The following DYM variants were observed in gnomAD, a reference collection of about 807,000 sequenced individuals.
The protein encoded by DYM is dymeclin.
In DYM, 78 loss-of-function variants were observed where a neutral mutation model predicts 93.1. That is an observed-to-expected ratio of 0.84 (90% confidence interval 0.70 to 1.01). The LOEUF is 1.01. DYM is among the 50% of genes least tolerant of loss of function. The pLI, the probability that DYM is intolerant of heterozygous loss-of-function variation, is 0.00. For missense variants in DYM, 789 were observed against 845.0 expected, an observed-to-expected ratio of 0.93 and a Z score of 0.82; for synonymous variants, 321 against 319.7, an observed-to-expected ratio of 1.00 and a Z score of -0.04.
chr18:49,255,361 G>A (rs1356938347), intron 13 of DYM, among the ~76,000 whole-genome samples: 1 of 152,148 alleles, frequency 6.6e-6, no homozygotes, highest in East Asian at 1.9e-4. Context: ...CTGGTTGACA[G>A]AGTGAAACCC....
At chr18:49,451,231 T>C (rs1457514670) in intron 1 of DYM, among the ~76,000 whole-genome samples, 1 of 152,236 alleles carries the variant, frequency 6.6e-6, no homozygotes, top group African/African-American at 2.4e-5. Flanking sequence ...CTCTAATCTG[T>C]GAGAACTCTT....
At chr18:49,311,797 G>C (rs2061608712) in intron 8 of DYM, among the ~76,000 whole-genome samples, 1 of 151,156 alleles carries the variant, frequency 6.6e-6, no homozygotes, top group African/African-American at 2.4e-5. Context: ...AACGGGTGCA[G>C]CACACCAACA....
At chr18:49,223,662 A>T (rs1307067176) in intron 13 of DYM, among the ~76,000 whole-genome samples, 1 of 152,134 alleles carries the variant, frequency 6.6e-6, no homozygotes. Flanking sequence ...CTACAGATGA[A>T]ACTTGAAATA....
At chr18:49,387,451 A>G (rs1360050222) in intron 3 of DYM, among the ~76,000 whole-genome samples, 3 of 151,480 alleles carry the variant, frequency 2.0e-5, no homozygotes, top group Admixed American at 1.3e-4. Context: ...TAATTTTTGT[A>G]TTTTTGTAGA....
At chr18:49,161,237 C>A (rs2087082360) in intron 15 of DYM, among the ~76,000 whole-genome samples, 2 of 152,160 alleles carry the variant, frequency 1.3e-5, no homozygotes, top group Non-Finnish European at 2.9e-5. Context: ...AATCTGTAAA[C>A]TTCAGTAGCA....
At chr18:49,352,141 C>T (rs941303770) in intron 6 of DYM, among the ~76,000 whole-genome samples, 2 of 152,182 alleles carry the variant, frequency 1.3e-5, no homozygotes, top group African/African-American at 4.8e-5. Flanking sequence ...TGATACGATA[C>T]AATTTGTATG....
chr18:49,379,468 A>G (rs892558402), intron 4 of DYM, among the ~76,000 whole-genome samples, 197 bp downstream of exon 4: 1 of 152,196 alleles, frequency 6.6e-6, no homozygotes. Flanking sequence ...AAAAGCTGAA[A>G]TCAGATTCCC....
intron 6 of DYM, among the ~76,000 whole-genome samples, chr18:49,357,263 A>C (rs2065647728): frequency 6.6e-6 from 1 of 152,178 alleles, no homozygotes; most frequent in Non-Finnish European, 1.5e-5. Context: ...TTTTATGTTC[A>C]GGGTCTACTC....
intron 14 of DYM, among the ~76,000 whole-genome samples, chr18:49,185,487 A>G (rs1433909051): frequency 2.0e-5 from 3 of 152,254 alleles, no homozygotes; most frequent in Admixed American, 6.5e-5. Flanking sequence ...TTAAAGCTGG[A>G]ATGAAAAACA....
At chr18:49,235,671 G>A (rs546016658) in intron 13 of DYM, among the ~76,000 whole-genome samples, 3 of 151,118 alleles carry the variant, frequency 2.0e-5, no homozygotes, top group Non-Finnish European at 4.4e-5. Context: ...AATTACTTAC[G>A]AGATAGAATA....
chr18:49,050,137 A>AGT (rs1017512052), intron 17 of DYM, among the ~76,000 whole-genome samples: 1 of 133,058 alleles, frequency 7.5e-6, no homozygotes, highest in Non-Finnish European at 1.5e-5. Flanking sequence ...CCCAGGCTGG[A>AGT]GTGCAATGGC....
At chr18:49,445,163 A>C (rs2081992130) in intron 1 of DYM, among the ~76,000 whole-genome samples, 1 of 152,210 alleles carries the variant, frequency 6.6e-6, no homozygotes. Context: ...ATAATGAAAT[A>C]ATTAAATAAT....
intron 6 of DYM, among the ~76,000 whole-genome samples, chr18:49,335,291 T>C (rs2146894423): frequency 1.3e-5 from 2 of 152,036 alleles, no homozygotes; most frequent in Middle Eastern, 6.8e-3. Context: ...TAATCACTGT[T>C]GTAAAAATTA....
At chr18:49,216,642 AG>A (rs1417143188) in intron 13 of DYM, among the ~76,000 whole-genome samples, 1 of 152,228 alleles carries the variant, frequency 6.6e-6, no homozygotes, top group African/African-American at 2.4e-5. Flanking sequence ...CCAGGCAAAC[AG>A]GGTCTGGAGT....
At chr18:49,359,242 G>A (rs1293177344) in intron 6 of DYM, among the ~76,000 whole-genome samples, 9 of 152,084 alleles carry the variant, frequency 5.9e-5, no homozygotes, top group African/African-American at 1.4e-4. Context: ...GCTTTTGGCC[G>A]ATTTATTTAA....
At chr18:49,246,457 C>A (rs1022283875) in intron 13 of DYM, among the ~76,000 whole-genome samples, 1 of 152,206 alleles carries the variant, frequency 6.6e-6, no homozygotes. Context: ...CATTTTATAA[C>A]ATATCAAATA....
intron 2 of DYM, among the ~76,000 whole-genome samples, chr18:49,395,211 G>C (rs2069897322): frequency 6.6e-6 from 1 of 151,984 alleles, no homozygotes; most frequent in African/African-American, 2.4e-5. Context: ...CCACAGAAAA[G>C]GAGAAAATAT....
chr18:49,124,070 A>G (rs76915972), intron 15 of DYM, among the ~76,000 whole-genome samples: 3,470 of 152,322 alleles, frequency 0.023, 138 homozygotes, highest in African/African-American at 0.079. Flanking sequence ...ACACATTGAG[A>G]GTTTGTTCTC....
At chr18:49,263,349 C>G (rs2094519357) in intron 11 of DYM, among the ~76,000 whole-genome samples, 1 of 151,650 alleles carries the variant, frequency 6.6e-6, no homozygotes, top group African/African-American at 2.4e-5. Flanking sequence ...AAACTCCTGA[C>G]CTCACGTGAT....
Sources: allele counts gnomAD v4.1 joint callset (sites outside exome capture counted in the v4.1 genomes callset), GRCh38; gene constraint gnomAD v4.1.1; transcripts MANE v1.5; gene names NCBI Gene and HGNC (gene_info 2026-07-23, HGNC 2026-07-21).